The following SLC22A15 variants were observed in gnomAD, a reference collection of about 807,000 sequenced individuals.
The protein encoded by SLC22A15 is solute carrier family 22 member 15, also known as flipt 1.
In SLC22A15, 45 loss-of-function variants were observed where a neutral mutation model predicts 62.7. The ratio of observed to expected loss-of-function variants is 0.72; its 90% CI spans 0.56 to 0.92. The LOEUF is 0.92. Ranked by LOEUF, SLC22A15 falls within the 40% of genes least tolerant of loss-of-function variation. The probability of loss-of-function intolerance (pLI) is 0.00; values close to 1 mark genes in which losing one functional copy is unlikely to be tolerated. For synonymous variants in SLC22A15, 264 were observed against 267.0 expected, an observed-to-expected ratio of 0.99 and a Z score of 0.11; for missense variants, 622 against 665.6, an observed-to-expected ratio of 0.93 and a Z score of 0.72.
chr1:116,059,163 T>C (rs1658309887), intron 8 of SLC22A15, among the ~76,000 whole-genome samples: 1 of 152,016 alleles, frequency 6.6e-6, no homozygotes, highest in Non-Finnish European at 1.5e-5. Context: ...CTGATTAAAA[T>C]GACAAAAATT....
chr1:116,002,198 G>T (rs528875156), intron 2 of SLC22A15, among the ~76,000 whole-genome samples: 66 of 152,312 alleles, frequency 4.3e-4, no homozygotes, highest in Non-Finnish European at 6.9e-4. Flanking sequence ...CAAACAAACA[G>T]CATCTCTCTC....
At chr1:116,027,283 A>G in intron 5 of SLC22A15, 1 of 591,212 alleles carries the variant, frequency 1.7e-6, no homozygotes. Context: ...GGCATAGGCA[A>G]CCAATTGCTT....
At chr1:116,051,471 C>A (rs1286628693) in intron 8 of SLC22A15, among the ~76,000 whole-genome samples, 1 of 152,136 alleles carries the variant, frequency 6.6e-6, no homozygotes, top group Admixed American at 6.5e-5. Context: ...GGAAAGGACA[C>A]CCTTTTCAAC....
chr1:116,027,123 C>T (rs1657133843), intron 5 of SLC22A15, 101 bp downstream of exon 5: 1 of 1,153,124 alleles, frequency 8.7e-7, no homozygotes, highest in Non-Finnish European at 1.3e-6. Flanking sequence ...CAGGAGCTTG[C>T]CTGCACTGAC....
At chr1:115,983,680 C>A (rs1342378457) in intron 1 of SLC22A15, among the ~76,000 whole-genome samples, 1 of 152,110 alleles carries the variant, frequency 6.6e-6, no homozygotes. Context: ...CTCCCTGCCT[C>A]CAACCTTGAT....
At chr1:115,992,372 A>G in intron 2 of SLC22A15, 129 bp downstream of exon 2, 1 of 813,232 alleles carries the variant, frequency 1.2e-6, no homozygotes, top group Non-Finnish European at 1.9e-6. Context: ...TAAAAGTTAA[A>G]GGTTTTAATG....
In SLC22A15 at chr1:116,067,366, A is replaced by C. The variant is rs1658524445; in HGVS notation, c.*258A>C. 2.4e-6 allele frequency: 1 copy of C among 414,596 alleles called. No individual in the cohort carries two copies. The highest frequency in any genetic ancestry group is 3.8e-5 in the Admixed American group (1 of 26,134). 25.7% of individuals were successfully genotyped at this position (414,596 alleles called of 1,614,324 possible). A position where few individuals can be genotyped will look rare whatever the true frequency, so the allele number is the denominator to read the frequency against. ...TCTACTCAGAATCATAACATCTGGC[A>C]GAACAGCCCAAACCCACATTCCAAA... On this transcript the variant is annotated 3_prime_UTR_variant, in exon 12 of 12. Coordinates refer to ENST00000369503, the MANE Select transcript of SLC22A15 (RefSeq NM_018420.3).
At chr1:116,022,569 C>T (rs748983864) in intron 4 of SLC22A15, among the ~76,000 whole-genome samples, 1 of 152,106 alleles carries the variant, frequency 6.6e-6, no homozygotes, top group Non-Finnish European at 1.5e-5. Flanking sequence ...CCACTCCCAC[C>T]CTGCCAGATT....
At chr1:116,062,384 A>T (rs1296718858) in intron 8 of SLC22A15, among the ~76,000 whole-genome samples, 1 of 152,190 alleles carries the variant, frequency 6.6e-6, no homozygotes, top group Non-Finnish European at 1.5e-5. Flanking sequence ...CCACTGTTTT[A>T]CGTCATTGAT....
intron 2 of SLC22A15, among the ~76,000 whole-genome samples, chr1:116,018,068 G>T (rs1656626642): frequency 6.6e-6 from 1 of 152,136 alleles, no homozygotes; most frequent in Admixed American, 6.5e-5. Context: ...CAGATGCATT[G>T]CATACATTCA....
chr1:116,030,846 T>A (rs550655359), intron 5 of SLC22A15, among the ~76,000 whole-genome samples: 1 of 152,276 alleles, frequency 6.6e-6, no homozygotes, highest in African/African-American at 2.4e-5. Flanking sequence ...AATCTCTACC[T>A]CCTACATGTC....
intron 8 of SLC22A15, among the ~76,000 whole-genome samples, chr1:116,042,444 C>T (rs1362488325): frequency 6.6e-6 from 1 of 151,736 alleles, no homozygotes; most frequent in Non-Finnish European, 1.5e-5. Context: ...AAAAACTATA[C>T]AACATGAAAC....
chr1:116,032,057 G>A, intron 6 of SLC22A15: 2 of 985,366 alleles, frequency 2.0e-6, no homozygotes, highest in Non-Finnish European at 2.4e-6. Flanking sequence ...AACTCACTGA[G>A]GTGGGCTAAA....
At chr1:115,992,299 C>A in intron 2 of SLC22A15, 56 bp downstream of exon 2, 2 of 1,363,064 alleles carry the variant, frequency 1.5e-6, no homozygotes, top group Non-Finnish European at 2.0e-6. Context: ...CCACATAGAG[C>A]TACTCTTTTT....
intron 2 of SLC22A15, among the ~76,000 whole-genome samples, chr1:116,003,942 T>C (rs1274289372): frequency 6.6e-6 from 1 of 152,214 alleles, no homozygotes; most frequent in African/African-American, 2.4e-5. Flanking sequence ...TTATTGGAGT[T>C]CCTTCCTCAG....
rs1570746508 is a variant in SLC22A15 at position 116,026,950 on chromosome 1, A to G, written c.656A>G (p.Tyr219Cys). 3 of 1,613,798 alleles carry G rather than the reference A, an allele frequency of 1.9e-6. No individual in the cohort carries two copies. Among genetic ancestry groups the G allele is most frequent in the Non-Finnish European group, 2.5e-6 (3 of 1,179,756 alleles). Residue 219 changes from tyrosine to cysteine, a missense_variant, in exon 5 of 12, where the codon TAC becomes TGC. Transcript: ENST00000369503. ...ATTGCCCAATATGCCCTGTTAGGAT[A>G]CTTCATCCGCTCCTGGAGGACCCTA... ...VGIAQYALLGYFIRSWRTLAI... is the reference protein window; with the variant it reads ...VGIAQYALLGCFIRSWRTLAI...
intron 8 of SLC22A15, among the ~76,000 whole-genome samples, chr1:116,062,124 G>C (rs1237708499): frequency 6.6e-6 from 1 of 152,162 alleles, no homozygotes; most frequent in African/African-American, 2.4e-5. Context: ...CAGGAGAATC[G>C]CTTGAGCCCA....
At chr1:116,016,082 CT>C (rs1442819506) in intron 2 of SLC22A15, among the ~76,000 whole-genome samples, 1 of 151,510 alleles carries the variant, frequency 6.6e-6, no homozygotes, top group African/African-American at 2.4e-5. Context: ...CTTTCTTTTT[CT>C]TTTCTTTTCT....
Position 116,066,575 on chromosome 1 carries a change from C to T in SLC22A15, c.1421C>T (p.Ser474Phe). 6.2e-7 allele frequency: 1 copy of T among 1,607,706 alleles called. No individual in the cohort carries two copies. The highest frequency in any genetic ancestry group is 8.5e-7 in the Non-Finnish European group (1 of 1,176,968). The part of the protein sequence containing the change: ...FIVFGATGLT[S>F]GLLSLLLPET... ...GTCTTCGGAGCCACGGGTCTGACCT[C>T]CGGCCTCCTGAGTTTGTTATTGCCG... The change falls in exon 11 of 12, where the codon TCC becomes TTC. Residue 474 changes from serine to phenylalanine, a missense_variant. Transcript: ENST00000369503.
Sources: gnomAD v4.1 joint callset for allele counts (sites outside exome capture counted in the v4.1 genomes callset) on GRCh38, gnomAD v4.1.1 for gene constraint, MANE v1.5 for transcripts, NCBI Gene and HGNC (gene_info 2026-07-23, HGNC 2026-07-21) for gene names.